MCC: variants seen among roughly 807,000 people sequenced by gnomAD.
The protein encoded by MCC is colorectal mutant cancer protein.
MCC carries 90 observed loss-of-function variants against 116.2 expected under a neutral mutation model. That is an observed-to-expected ratio of 0.77 (90% CI 0.65 to 0.92). MCC has a LOEUF of 0.92. MCC is among the 40% of genes least tolerant of loss of function. The pLI, the probability that MCC is intolerant of heterozygous loss-of-function variation, is 0.00. For missense variants in MCC, 1,516 were observed against 1,312.2 expected, an observed-to-expected ratio of 1.16 and a Z score of -2.40; for synonymous variants, 578 against 510.5, an observed-to-expected ratio of 1.13 and a Z score of -1.78.
chr5:113,137,095 T>C (rs1481439374), intron 5 of MCC, among the ~76,000 whole-genome samples: 1 of 152,176 alleles, frequency 6.6e-6, no homozygotes, highest in East Asian at 1.9e-4. Flanking sequence ...GAAAGAGGTT[T>C]AATTGATTCA....
chr5:113,476,978 C>T (rs1040392945), intron 1 of MCC, among the ~76,000 whole-genome samples: 15 of 152,134 alleles, frequency 9.9e-5, no homozygotes, highest in African/African-American at 3.6e-4. Flanking sequence ...TGGTCATGAC[C>T]TTCATTTGTT....
At chr5:113,356,643 A>G (rs1768422923) in intron 2 of MCC, among the ~76,000 whole-genome samples, 1 of 152,152 alleles carries the variant, frequency 6.6e-6, no homozygotes, top group Non-Finnish European at 1.5e-5. Context: ...GGCAGCTACA[A>G]GTTAGTACTT....
At chr5:113,284,813 T>C (rs1043175815) in intron 3 of MCC, among the ~76,000 whole-genome samples, 2 of 152,242 alleles carry the variant, frequency 1.3e-5, no homozygotes, top group African/African-American at 4.8e-5. Context: ...TCCAGTCTCC[T>C]TGCAGTTATA....
chr5:113,479,118 T>G (rs1772307656), intron 1 of MCC, among the ~76,000 whole-genome samples: 1 of 152,204 alleles, frequency 6.6e-6, no homozygotes, highest in Non-Finnish European at 1.5e-5. Context: ...TGTGGCACCT[T>G]CATACAATGA....
intron 11 of MCC, among the ~76,000 whole-genome samples, chr5:113,075,245 T>G (rs1326457304): frequency 6.6e-6 from 1 of 152,208 alleles, no homozygotes; most frequent in Non-Finnish European, 1.5e-5. Context: ...CACGCTCGAA[T>G]TCTCACTGGG....
At chr5:113,466,733 G>A (rs1251787416) in intron 1 of MCC, among the ~76,000 whole-genome samples, 1 of 152,072 alleles carries the variant, frequency 6.6e-6, no homozygotes, top group Non-Finnish European at 1.5e-5. Context: ...GGTATTTCTA[G>A]TTCTAGATCC....
At chr5:113,108,537 C>T (rs1581078136) in intron 6 of MCC, among the ~76,000 whole-genome samples, 1 of 151,286 alleles carries the variant, frequency 6.6e-6, no homozygotes, top group Non-Finnish European at 1.5e-5. Context: ...CCTGTAATCC[C>T]AGCTACTCAG....
intron 1 of MCC, among the ~76,000 whole-genome samples, chr5:113,463,283 G>A (rs1771797810): frequency 6.6e-6 from 1 of 152,158 alleles, no homozygotes; most frequent in Admixed American, 6.5e-5. Flanking sequence ...GGGGCAAGGT[G>A]AGCAGATTAG....
intron 5 of MCC, among the ~76,000 whole-genome samples, chr5:113,134,762 G>C (rs186226500): frequency 6.6e-6 from 1 of 151,750 alleles, no homozygotes; most frequent in Non-Finnish European, 1.5e-5. Context: ...TGATGACCTT[G>C]AGCAGTAGGA....
intron 1 of MCC, among the ~76,000 whole-genome samples, chr5:113,387,138 A>G (rs1295937013): frequency 6.6e-6 from 1 of 152,124 alleles, no homozygotes; most frequent in Non-Finnish European, 1.5e-5. Flanking sequence ...TTATCCCTGT[A>G]TCTAGCCTGG....
At chr5:113,272,318 TG>T (rs1407680291) in intron 3 of MCC, among the ~76,000 whole-genome samples, 3 of 152,212 alleles carry the variant, frequency 2.0e-5, no homozygotes, top group African/African-American at 7.2e-5. Flanking sequence ...GTATTTGTTC[TG>T]CTGGTGATTT....
chr5:113,425,591 G>A (rs532681865), intron 1 of MCC, among the ~76,000 whole-genome samples: 2 of 152,230 alleles, frequency 1.3e-5, no homozygotes, highest in Non-Finnish European at 2.9e-5. Flanking sequence ...TTTGGAGGGA[G>A]GCCTTAAATC....
At chr5:113,126,408 T>C (rs924077952) in intron 5 of MCC, among the ~76,000 whole-genome samples, 1 of 152,222 alleles carries the variant, frequency 6.6e-6, no homozygotes, top group African/African-American at 2.4e-5. Flanking sequence ...TAGCACAGCC[T>C]AATTCCTAAA....
intron 1 of MCC, among the ~76,000 whole-genome samples, chr5:113,392,867 G>A (rs182706190): frequency 1.9e-3 from 282 of 152,118 alleles, no homozygotes; most frequent in African/African-American, 3.5e-3. Flanking sequence ...CAGAAAATAC[G>A]TATATATACA....
intron 3 of MCC, among the ~76,000 whole-genome samples, chr5:113,212,492 G>A (rs1268872134): frequency 1.3e-5 from 2 of 151,976 alleles, no homozygotes; most frequent in Admixed American, 6.6e-5. Flanking sequence ...AAGATCTCAC[G>A]TTGCAGACAG....
At chr5:113,064,258 G>A in intron 13 of MCC, 91 bp from the exon 14 acceptor site, 3 of 1,186,226 alleles carry the variant, frequency 2.5e-6, no homozygotes, top group South Asian at 3.0e-5. Flanking sequence ...CTGTTACTTA[G>A]GGCAGAGGTG....
chr5:113,163,284 C>T (rs1032097026), intron 3 of MCC, among the ~76,000 whole-genome samples: 6 of 152,292 alleles, frequency 3.9e-5, no homozygotes, highest in African/African-American at 1.4e-4. Context: ...GTCATCTATT[C>T]ATGATAGAAA....
At chr5:113,325,369 C>G (rs985068824) in intron 3 of MCC, among the ~76,000 whole-genome samples, 66 of 152,144 alleles carry the variant, frequency 4.3e-4, no homozygotes, top group African/African-American at 1.4e-3. Flanking sequence ...CAAAACAAAA[C>G]CCATCTGGAG....
intron 3 of MCC, among the ~76,000 whole-genome samples, chr5:113,155,030 C>T (rs1760093602): frequency 6.6e-6 from 1 of 152,104 alleles, no homozygotes; most frequent in African/African-American, 2.4e-5. Context: ...TTCATCCCTC[C>T]CCCACTATCC....
Sources: allele counts gnomAD v4.1 joint callset (sites outside exome capture counted in the v4.1 genomes callset), GRCh38; gene constraint gnomAD v4.1.1; transcripts MANE v1.5; gene names NCBI Gene and HGNC (gene_info 2026-07-23, HGNC 2026-07-21).